CPAP: variants seen among roughly 807,000 people sequenced by gnomAD.
The protein encoded by CPAP is centrosomal P4.1-associated protein.
the CPAP span, among the ~76,000 whole-genome samples, chr13:24,892,364 G>A: frequency 1.8e-3 from 268 of 152,266 alleles, 1 homozygote; most frequent in South Asian, 4.6e-3. Flanking sequence ...TTTAGTTGTG[G>A]TAAAATAGAT....
chr13:24,913,443 G>C, the CPAP span, among the ~76,000 whole-genome samples: 4 of 150,654 alleles, frequency 2.7e-5, no homozygotes, highest in Admixed American at 6.6e-5. Flanking sequence ...GCACTTTCTT[G>C]CTTCTGGCCC....
the CPAP span, chr13:24,885,680 T>G: frequency 1.7e-5 from 28 of 1,604,660 alleles, no homozygotes; most frequent in Admixed American, 3.8e-4. Context: ...CCTATTAGAA[T>G]AAAATTGTCA....
At chr13:24,883,492 T>C in the CPAP span, 1 of 711,794 alleles carries the variant, frequency 1.4e-6, no homozygotes, top group Non-Finnish European at 2.3e-6. Flanking sequence ...CCCTTGGTTA[T>C]CCCTATACAA....
the CPAP span, among the ~76,000 whole-genome samples, chr13:24,916,424 G>C: frequency 6.6e-6 from 1 of 152,030 alleles, no homozygotes; most frequent in Non-Finnish European, 1.5e-5. Context: ...AACAGAAAAA[G>C]AAATACAGAT....
At chr13:24,904,869 A>G in the CPAP span, among the ~76,000 whole-genome samples, 1 of 152,240 alleles carries the variant, frequency 6.6e-6, no homozygotes, top group Non-Finnish European at 1.5e-5. Context: ...AGTCCGTTAC[A>G]TCAACAGAAA....
chr13:24,892,269 C>A, the CPAP span, among the ~76,000 whole-genome samples: 1 of 152,214 alleles, frequency 6.6e-6, no homozygotes, highest in Admixed American at 6.5e-5. Context: ...CAGAGATGAT[C>A]TGCCTACTGT....
chr13:24,915,496 T>C, the CPAP span, among the ~76,000 whole-genome samples: 1 of 152,120 alleles, frequency 6.6e-6, no homozygotes, highest in Non-Finnish European at 1.5e-5. Context: ...AATGAGGGAT[T>C]GAGGGTAGTC....
At chr13:24,883,814 A>G in the CPAP span, 1 of 852,938 alleles carries the variant, frequency 1.2e-6, no homozygotes, top group African/African-American at 1.7e-5. Context: ...CATCAAGTTG[A>G]CTGACATGCC....
the CPAP span, among the ~76,000 whole-genome samples, chr13:24,900,412 A>G: frequency 6.6e-6 from 1 of 152,216 alleles, no homozygotes; most frequent in Non-Finnish European, 1.5e-5. Flanking sequence ...AGGCGGGCAG[A>G]TCAGGCCAGG....
chr13:24,888,579 A>G, the CPAP span, among the ~76,000 whole-genome samples: 1 of 112,750 alleles, frequency 8.9e-6, no homozygotes, highest in African/African-American at 2.6e-5. Context: ...TGCTGACAGT[A>G]AAAAAAACTG....
At chr13:24,912,985 T>C in the CPAP span, 3 of 1,614,182 alleles carry the variant, frequency 1.9e-6, no homozygotes, top group African/African-American at 4.0e-5. Flanking sequence ...TAGGAAGTTC[T>C]GCCCACTGTT....
the CPAP span, among the ~76,000 whole-genome samples, chr13:24,905,147 C>T: frequency 1.3e-5 from 2 of 152,194 alleles, no homozygotes; most frequent in Admixed American, 1.3e-4. Context: ...TTGATGTTAT[C>T]TCACTTTATT....
the CPAP span, among the ~76,000 whole-genome samples, chr13:24,920,411 A>C: frequency 1.4e-4 from 22 of 152,192 alleles, no homozygotes; most frequent in Admixed American, 1.4e-3. Context: ...CTGTACCATT[A>C]ATTGCAACTG....
At chr13:24,922,377 G>A in the CPAP span, among the ~76,000 whole-genome samples, 1 of 152,200 alleles carries the variant, frequency 6.6e-6, no homozygotes, top group Non-Finnish European at 1.5e-5. Context: ...CTTCAAGAGA[G>A]AAGCCCTTGA....
chr13:24,899,137 C>T, the CPAP span, among the ~76,000 whole-genome samples: 1 of 152,172 alleles, frequency 6.6e-6, no homozygotes, highest in Non-Finnish European at 1.5e-5. Flanking sequence ...CAACATAATG[C>T]TGGTGAATTT....
At chr13:24,888,006 CTA>C in the CPAP span, among the ~76,000 whole-genome samples, 1 of 152,228 alleles carries the variant, frequency 6.6e-6, no homozygotes, top group Non-Finnish European at 1.5e-5. Context: ...TGCCACTCAT[CTA>C]TGTCTTTACG....
At chr13:24,923,140 C>G in the CPAP span, among the ~76,000 whole-genome samples, 2 of 152,330 alleles carry the variant, frequency 1.3e-5, no homozygotes. Context: ...AAGGGAACGC[C>G]TAACGGAGCG....
the CPAP span, chr13:24,905,659 A>C: frequency 6.2e-7 from 1 of 1,614,228 alleles, no homozygotes; most frequent in Non-Finnish European, 8.5e-7. Flanking sequence ...TTTCATCATC[A>C]AAGTCCATTT....
chr13:24,922,476 C>G, the CPAP span, among the ~76,000 whole-genome samples: 1 of 152,256 alleles, frequency 6.6e-6, no homozygotes, highest in African/African-American at 2.4e-5. Flanking sequence ...GCGCTGCCCA[C>G]AGGAACTCAA....
Sources: gnomAD v4.1 joint callset for allele counts (sites outside exome capture counted in the v4.1 genomes callset) on GRCh38, gnomAD v4.1.1 for gene constraint, MANE v1.5 for transcripts, NCBI Gene and HGNC (gene_info 2026-07-23, HGNC 2026-07-21) for gene names.